The following ST8SIA2 variants were observed in gnomAD, a reference collection of about 807,000 sequenced individuals.
The protein encoded by ST8SIA2 is alpha-2,8-sialyltransferase 8B.
ST8SIA2 carries 22 observed loss-of-function variants against 37.6 expected under a neutral mutation model. The ratio of observed to expected loss-of-function variants is 0.58; its 90% CI spans 0.42 to 0.83. The LOEUF (loss-of-function observed/expected upper bound fraction) is 0.83, where lower values mean the gene tolerates loss of function less well. ST8SIA2 is among the 40% of genes least tolerant of loss of function. ST8SIA2 has a pLI of 0.00. For missense variants in ST8SIA2, 382 were observed against 484.7 expected, an observed-to-expected ratio of 0.79 and a Z score of 1.99; for synonymous variants, 205 against 201.2, an observed-to-expected ratio of 1.02 and a Z score of -0.16.
chr15:92,398,877 T>C (rs1376811788), intron 1 of ST8SIA2, among the ~76,000 whole-genome samples: 2 of 152,172 alleles, frequency 1.3e-5, no homozygotes, highest in Non-Finnish European at 2.9e-5. Flanking sequence ...TCCCCAGTGG[T>C]TCTTCTAAAG....
intron 1 of ST8SIA2, among the ~76,000 whole-genome samples, chr15:92,411,343 A>G (rs368483127): frequency 2.0e-5 from 3 of 152,042 alleles, no homozygotes; most frequent in South Asian, 4.2e-4. Context: ...AAGACCACCC[A>G]TGGGAGTAGC....
rs144679464 is a variant in ST8SIA2 at position 92,464,377 on chromosome 15, G to A, written c.1120G>A (p.Ala374Thr). 43 of 1,613,602 alleles carry A rather than the reference G, an allele frequency of 2.7e-5. No individual in the cohort carries two copies. The Admixed American group carries it at 4.3e-4, about 16-fold the overall frequency. The part of the protein sequence containing the change: ...LKLTVGQCDG[A>T]T ...ACTGACTGTCGGCCAGTGCGATGGG[G>A]CCACGTAGGGTGGGCACCCCATGGG... Residue 374 changes from alanine to threonine, a missense_variant, in exon 6 of 6, where the codon GCC becomes ACC. Coordinates refer to ENST00000268164, the MANE Select transcript of ST8SIA2 (RefSeq NM_006011.4).
intron 1 of ST8SIA2, among the ~76,000 whole-genome samples, chr15:92,412,126 C>T (rs952655056): frequency 2.6e-5 from 4 of 152,072 alleles, no homozygotes; most frequent in Non-Finnish European, 5.9e-5. Context: ...AAAGAGAGGT[C>T]TCTGATAAAG....
intron 1 of ST8SIA2, among the ~76,000 whole-genome samples, chr15:92,403,934 C>A (rs2049488734): frequency 6.6e-6 from 1 of 152,210 alleles, no homozygotes; most frequent in Non-Finnish European, 1.5e-5. Flanking sequence ...GCCTCTTAGG[C>A]CGGCTGGACA....
chr15:92,436,848 C>A (rs1384727977), intron 3 of ST8SIA2, among the ~76,000 whole-genome samples: 2 of 152,182 alleles, frequency 1.3e-5, no homozygotes, highest in Non-Finnish European at 1.5e-5. Flanking sequence ...CTAGCTGCCC[C>A]CTGGCTGCCC....
chr15:92,441,577 G>GCACACA (rs112388744), intron 4 of ST8SIA2, among the ~76,000 whole-genome samples: 114 of 143,352 alleles, frequency 8.0e-4, no homozygotes, highest in East Asian at 3.7e-3. Flanking sequence ...CACTGTGCAT[G>GCACACA]CACACACACA....
chr15:92,414,503 C>T (rs1460063898), intron 1 of ST8SIA2, among the ~76,000 whole-genome samples: 4 of 152,210 alleles, frequency 2.6e-5, no homozygotes, highest in Admixed American at 6.5e-5. Flanking sequence ...ATTCAAATCC[C>T]GCCTAGAGCT....
In ST8SIA2 at chr15:92,459,755, C is replaced by T. The variant is rs145750182; in HGVS notation, c.843-4345C>T. Among the ~76,000 whole-genome samples the T allele has an allele frequency of 6.0e-3, 914 of 152,304 alleles. 8 individuals carry two copies. Among genetic ancestry groups the T allele is most frequent in the African/African-American group, 0.02 (845 of 41,568 alleles). On this transcript the variant is annotated intron_variant, in intron 5 of 5. Transcript: ENST00000268164. ...CTGGGATTACAGGTGCATGCCTCCA[C>T]GCCCAACTAATTTTTGTATTTTTAG...
chr15:92,430,061 C>A lies in ST8SIA2; in HGVS notation c.111C>A (p.Gly37=), dbSNP rs1355939096. The change falls in exon 2 of 6, where the codon GGC becomes GGA. Residue 37 remains glycine, a synonymous_variant. Transcript: ENST00000268164. The part of the protein sequence containing the change: ...EIEEEIGNSG[G]RGTIRSAVNS... ...CTTTGTCTTGCAGGAATTCGGGAGG[C>A]AGAGGTACAATCAGATCAGCTGTGA... The A allele has an allele frequency of 1.2e-6, 2 of 1,614,132 alleles. No individual in the cohort carries two copies. The highest frequency in any genetic ancestry group is 1.7e-6 in the Non-Finnish European group (2 of 1,180,006).
intron 1 of ST8SIA2, among the ~76,000 whole-genome samples, chr15:92,420,396 A>T (rs1300014380): frequency 6.6e-6 from 1 of 152,162 alleles, no homozygotes; most frequent in East Asian, 1.9e-4. Flanking sequence ...CATCCAGGTG[A>T]CTTGTTTACT....
At chr15:92,458,498 T>G (rs1193802543) in intron 5 of ST8SIA2, among the ~76,000 whole-genome samples, 1 of 152,174 alleles carries the variant, frequency 6.6e-6, no homozygotes, top group African/African-American at 2.4e-5. Context: ...CAAAGGGGTG[T>G]AAGGTGTGGT....
chr15:92,399,044 G>T (rs1382422143), intron 1 of ST8SIA2, among the ~76,000 whole-genome samples: 1 of 152,142 alleles, frequency 6.6e-6, no homozygotes, highest in Non-Finnish European at 1.5e-5. Flanking sequence ...CATGCTGGAG[G>T]ACAGAATGGC....
intron 1 of ST8SIA2, among the ~76,000 whole-genome samples, chr15:92,418,964 G>T (rs916108100): frequency 6.6e-6 from 1 of 152,108 alleles, no homozygotes; most frequent in Non-Finnish European, 1.5e-5. Context: ...CTTCATTTGG[G>T]ATCCTTTGTC....
At position 92,447,702 on chromosome 15, in the gene ST8SIA2, T is replaced by C. The variant is rs79020116; in HGVS notation, c.842+2773T>C. 9.1e-3 allele frequency among the ~76,000 whole-genome samples: 1,386 copies of C among 152,280 alleles called. 22 individuals are homozygous for C. The highest frequency in any genetic ancestry group is 0.032 in the African/African-American group (1,310 of 41,560). On this transcript the variant is annotated intron_variant, in intron 5 of 5. Coordinates refer to ENST00000268164, the MANE Select transcript of ST8SIA2 (RefSeq NM_006011.4). ...GATGGGTATCAACAGGGAAAACCCA[T>C]TGCCCCCAAGAAAGCCCGAGAGAGA...
intron 2 of ST8SIA2, among the ~76,000 whole-genome samples, chr15:92,430,833 ACTC>A (rs1377844643): frequency 6.6e-6 from 1 of 152,198 alleles, no homozygotes; most frequent in Non-Finnish European, 1.5e-5. Context: ...AAAGGCTACT[ACTC>A]AAAATCAGGG....
At chr15:92,405,401 A>G (rs2049501012) in intron 1 of ST8SIA2, among the ~76,000 whole-genome samples, 1 of 152,260 alleles carries the variant, frequency 6.6e-6, no homozygotes, top group Non-Finnish European at 1.5e-5. Context: ...GACGGATGGT[A>G]ATGATAGCTG....
chr15:92,412,061 A>C (rs2049553244), intron 1 of ST8SIA2, among the ~76,000 whole-genome samples: 1 of 152,158 alleles, frequency 6.6e-6, no homozygotes, highest in African/African-American at 2.4e-5. Context: ...GCAGATCCCC[A>C]GTGGCATTTG....
Position 92,444,668 on chromosome 15 carries a change from G to A in ST8SIA2, c.581G>A (p.Arg194Gln), listed in dbSNP as rs201978348. The A allele has an allele frequency of 2.6e-5, 42 of 1,614,216 alleles. No homozygotes were observed. In the Admixed American group the frequency reaches 2.8e-4, roughly 11 times the overall value. The change falls in exon 5 of 6, where the codon CGG (arginine) becomes CAG (glutamine). Residue 194 changes from arginine (R) to glutamine (Q), a missense_variant. Coordinates refer to ENST00000268164, the MANE Select transcript of ST8SIA2 (RefSeq NM_006011.4). Reference sequence around the variant, plus strand: ...CTGGCCCCAGTACAGGAGTATGCCCGGGATGTGGGGCTCAAGACAGACCTG... The same window carrying A: ...CTGGCCCCAGTACAGGAGTATGCCCAGGATGTGGGGCTCAAGACAGACCTG... ...CNLAPVQEYA[R>Q]DVGLKTDLVT...
intron 1 of ST8SIA2, among the ~76,000 whole-genome samples, chr15:92,403,743 C>T (rs73545807): frequency 0.097 from 14,719 of 152,238 alleles, 887 homozygotes; most frequent in Admixed American, 0.14. Flanking sequence ...TATTTTCCTA[C>T]AAGCAGTAAA....
Sources: allele counts gnomAD v4.1 joint callset (sites outside exome capture counted in the v4.1 genomes callset), GRCh38; gene constraint gnomAD v4.1.1; transcripts MANE v1.5; gene names NCBI Gene and HGNC (gene_info 2026-07-23, HGNC 2026-07-21).